The following RFX2 variants were observed in gnomAD, a reference collection of about 807,000 sequenced individuals.
RFX2 encodes the protein DNA-binding protein RFX2.
A neutral mutation model predicts 87.8 loss-of-function variants in RFX2; 20 were observed. The observed-to-expected ratio is 0.23, with a 90% CI of 0.16 to 0.33. The LOEUF is 0.33. Ranked by LOEUF, RFX2 falls within the 10% of genes least tolerant of loss-of-function variation. RFX2 has a pLI of 1.00. For synonymous variants in RFX2, 397 were observed against 431.3 expected, an observed-to-expected ratio of 0.92 and a Z score of 0.98; for missense variants, 767 against 1,012.3, an observed-to-expected ratio of 0.76 and a Z score of 3.29.
intron 1 of RFX2, among the ~76,000 whole-genome samples, chr19:6,106,650 C>G (rs1204521173): frequency 1.3e-5 from 2 of 152,074 alleles, no homozygotes; most frequent in African/African-American, 4.8e-5. Flanking sequence ...ATTCTCCTCC[C>G]CTGCAGTTTA....
intron 1 of RFX2, among the ~76,000 whole-genome samples, chr19:6,099,107 A>G (rs2088074749): frequency 6.6e-6 from 1 of 152,168 alleles, no homozygotes; most frequent in Admixed American, 6.5e-5. Flanking sequence ...AAACAATTCT[A>G]ATAGACATAA....
intron 12 of RFX2, among the ~76,000 whole-genome samples, chr19:6,005,462 G>C (rs1056024828): frequency 1.3e-5 from 2 of 152,190 alleles, no homozygotes; most frequent in East Asian, 3.9e-4. Context: ...CTTCCTTGAC[G>C]ACCCCCAGGG....
At chr19:6,071,683 G>T (rs2087608648) in intron 1 of RFX2, among the ~76,000 whole-genome samples, 1 of 152,146 alleles carries the variant, frequency 6.6e-6, no homozygotes, top group East Asian at 1.9e-4. Context: ...GGGTCTTTTT[G>T]TTAAACTCAT....
chr19:6,097,824 C>T (rs983836624), intron 1 of RFX2, among the ~76,000 whole-genome samples: 2 of 152,158 alleles, frequency 1.3e-5, no homozygotes, highest in African/African-American at 2.4e-5. Flanking sequence ...CTCAAGCTAT[C>T]CTCCTACCTC....
Position 6,013,014 on chromosome 19 carries a change from G to T in RFX2, c.871C>A (p.Arg291=), listed in dbSNP as rs772420460. ...GGCTTCTGGTGCATGGGCTGCTGCC[G>T]CATGGCCATGTACTGCGTGTCCTCC... The part of the protein sequence containing the change: ...LQEDTQYMAM[R]QQPMHQKPRY... The change falls in exon 8 of 18, where the codon CGG becomes AGG. Residue 291 remains arginine, a synonymous_variant. Transcript: ENST00000303657. This position sits in a 1 kb window ranked among gnomAD's most constrained non-coding sequence, Gnocchi z 4.1. The T allele has an allele frequency of 8.9e-6, 14 of 1,581,808 alleles. No homozygotes were observed. Among genetic ancestry groups the T allele is most frequent in the South Asian group, 2.3e-5 (2 of 86,998 alleles).
chr19:6,077,481 T>G (rs1019413328), intron 1 of RFX2, among the ~76,000 whole-genome samples: 4 of 152,168 alleles, frequency 2.6e-5, no homozygotes, highest in Admixed American at 2.6e-4. Flanking sequence ...TCTCAAGACT[T>G]ACGAGATGTT....
At chr19:6,076,099 G>A (rs2087688098) in intron 1 of RFX2, among the ~76,000 whole-genome samples, 1 of 152,144 alleles carries the variant, frequency 6.6e-6, no homozygotes, top group South Asian at 2.1e-4. Context: ...GCACATTTTG[G>A]GAGGCCAAGG....
chr19:6,040,285 A>T lies in RFX2; in HGVS notation c.261-44T>A. 2 of 1,482,006 alleles carry T rather than the reference A, an allele frequency of 1.3e-6. No homozygotes were observed. Among genetic ancestry groups the T allele is most frequent in the Non-Finnish European group, 1.8e-6 (2 of 1,110,136 alleles). The allele number at this position is 1,482,006 out of a possible 1,614,324, so 91.8% of individuals were successfully genotyped here. A position where few individuals can be genotyped will look rare whatever the true frequency, so the allele number is the denominator to read the frequency against. On this transcript the variant is annotated intron_variant, in intron 4 of 17. Transcript: ENST00000303657. This position sits in a 1 kb window ranked among gnomAD's most constrained non-coding sequence, Gnocchi z 6.1. ...TCACGCATGGGACGCTGTCCCATTT[A>T]AATGCCTTGTCTGAGTTCACAGATA...
chr19:6,003,778 C>CAAAAA lies in RFX2; in HGVS notation c.1500+418_1500+422dup, dbSNP rs57470328. Among the ~76,000 whole-genome samples, 255 of 41,942 alleles carry CAAAAA rather than the reference C, an allele frequency of 6.1e-3. 2 individuals are homozygous for CAAAAA. Among genetic ancestry groups the CAAAAA allele is most frequent in the African/African-American group, 6.6e-3 (90 of 13,592 alleles). 27.5% of individuals were successfully genotyped at this position (41,942 alleles called of 152,430 possible). On this transcript the variant is annotated intron_variant, in intron 13 of 17. Transcript: ENST00000303657. ...TGGGCGACAGAGTGAGACTCTGTCT[C>CAAAAA]AAAAAAAAAAAAAAAAAAAAAAAAA...
rs77515817 is a variant in RFX2, at chr19:6,040,005, T to G, written c.497A>C (p.His166Pro). The G allele has an allele frequency of 6.3e-7, 1 of 1,595,408 alleles. No individual in the cohort carries two copies. Among genetic ancestry groups the G allele is most frequent in the African/African-American group, 1.3e-5 (1 of 74,430 alleles). The change falls in exon 5 of 18, where the codon CAC becomes CCC. Residue 166 changes from histidine (H) to proline (P), a missense_variant. Physicochemically the swap from His to Pro is moderately conservative, Grantham distance 77. Around this residue, in one of 2 missense-constraint regions of RFX2, gnomAD observed 621 missense variants for 873.0 expected, o/e 0.71. Transcript: ENST00000303657. The surrounding 1 kb of genome is among the most constrained non-coding windows in gnomAD (Gnocchi z 6.1). ...CGTGGCGGGCGATGAGCGGGAGGTG[T>G]GGGCCAGGGAGTGTCTGGTGCTGTC... ...GMDSTRHSLA[H>P]TSRSSPATLE...
At chr19:6,081,656 T>A in intron 1 of RFX2, among the ~76,000 whole-genome samples, 1 of 152,228 alleles carries the variant, frequency 6.6e-6, no homozygotes, top group East Asian at 1.9e-4. Context: ...CAGGTACATA[T>A]AAAGGTAGAT....
intron 1 of RFX2, among the ~76,000 whole-genome samples, chr19:6,090,850 G>C (rs1599925442): frequency 6.6e-6 from 1 of 152,316 alleles, no homozygotes; most frequent in African/African-American, 2.4e-5. Context: ...ATGAAGCTCT[G>C]ACACAGGCTA....
In RFX2 at chr19:6,083,192, C is replaced by A. The variant is rs115022256; in HGVS notation, c.-9+27201G>T. Among the ~76,000 whole-genome samples, 1,452 of 152,300 alleles carry A rather than the reference C, an allele frequency of 9.5e-3. 32 individuals are homozygous for A. Among genetic ancestry groups the A allele is most frequent in the African/African-American group, 0.033 (1,361 of 41,556 alleles). The stretch of plus-strand genomic sequence containing the variant: ...AGAGTGCTAGAATTACAGGCATGAG[C>A]CACTGTGCCCGGCCTTCATCATGAA... On this transcript the variant is annotated intron_variant, in intron 1 of 17. Transcript: ENST00000303657. This position sits in a 1 kb window ranked among gnomAD's most constrained non-coding sequence, Gnocchi z 4.6.
In RFX2 at chr19:6,022,155, G is replaced by A. The variant is rs2086822222; in HGVS notation, c.597+4008C>T. 1.3e-5 allele frequency among the ~76,000 whole-genome samples: 2 copies of A among 152,126 alleles called. No homozygotes were observed. Among genetic ancestry groups the A allele is most frequent in the African/African-American group, 4.8e-5 (2 of 41,422 alleles). ...GGTTGTGGGAGGCGCAGGGGTTGTT[G>A]AGGGTGGAGGCCACGCACTGAGCTA... is the stretch of plus-strand genomic sequence containing the variant. On this transcript the variant is annotated intron_variant, in intron 6 of 17. Coordinates refer to ENST00000303657, the MANE Select transcript of RFX2 (RefSeq NM_000635.4). The surrounding 1 kb of genome is among the most constrained non-coding windows in gnomAD (Gnocchi z 6.2).
rs1265425212 is a variant in RFX2 at position 6,039,419 on chromosome 19, C to T, written c.522+561G>A. Among the ~76,000 whole-genome samples the T allele has an allele frequency of 1.3e-5, 2 of 152,192 alleles. No homozygotes were observed. The highest frequency in any genetic ancestry group is 2.9e-5 in the Non-Finnish European group (2 of 68,034). On this transcript the variant is annotated intron_variant, in intron 5 of 17. Coordinates refer to ENST00000303657, the MANE Select transcript of RFX2 (RefSeq NM_000635.4). The surrounding 1 kb of genome is among the most constrained non-coding windows in gnomAD (Gnocchi z 5.2). Reference sequence around the variant, plus strand: ...CCATGTCAAAACTCACAAGGCTGTACACCAAAAAGTTGATTTTACTTTGTG... The same window carrying T: ...CCATGTCAAAACTCACAAGGCTGTATACCAAAAAGTTGATTTTACTTTGTG...
intron 1 of RFX2, among the ~76,000 whole-genome samples, chr19:6,066,653 A>G (rs1419730111): frequency 2.0e-5 from 3 of 152,210 alleles, no homozygotes; most frequent in Non-Finnish European, 4.4e-5. Context: ...TGGTTCTTTC[A>G]AGCAGATCCC....
Position 6,013,119 on chromosome 19 carries a change from A to T in RFX2, c.780-14T>A. 6.3e-7 allele frequency: 1 copy of T among 1,581,930 alleles called. No homozygotes were observed. The highest frequency in any genetic ancestry group is 8.6e-7 in the Non-Finnish European group (1 of 1,164,988). On this transcript the variant is annotated splice_polypyrimidine_tract_variant and intron_variant, in intron 7 of 17. Coordinates refer to ENST00000303657, the MANE Select transcript of RFX2 (RefSeq NM_000635.4). This position sits in a 1 kb window ranked among gnomAD's most constrained non-coding sequence, Gnocchi z 4.1. ...TTCGAGTTGCCCCTGGAAACCAAAC[A>T]TCCCAGGGTCAGCTCCCTTTGCAGA...
rs71748502 is a variant in RFX2, at chr19:5,993,769, ATATT to A, written c.*1062_*1065del. The A allele has an allele frequency of 0.045, 6,911 of 152,280 alleles. 220 individuals carry two copies. Among genetic ancestry groups the A allele is most frequent in the Non-Finnish European group, 0.072 (4,882 of 68,020 alleles). 9.4% of individuals were successfully genotyped at this position (152,280 alleles called of 1,614,324 possible). On this transcript the variant is annotated 3_prime_UTR_variant, in exon 18 of 18. Transcript: ENST00000303657. ...AAGTTCAGGGCTTCGAAAGTCCCGA[ATATT>A]TGTTTGTCCCGAGAGAAGAGTTTTG...
Position 6,058,729 on chromosome 19 carries a change from G to C in RFX2, c.-8-11225C>G, listed in dbSNP as rs544331777. ...TCGTAAGAATTGGGCTTCTGTTCCTGTTTTCTTCTCAGGAGCCAAACTTTC... is the reference window on the plus strand; with the variant it reads ...TCGTAAGAATTGGGCTTCTGTTCCTCTTTTCTTCTCAGGAGCCAAACTTTC... On this transcript the variant is annotated intron_variant, in intron 1 of 17. Transcript: ENST00000303657. Among the ~76,000 whole-genome samples the C allele has an allele frequency of 2.6e-5, 4 of 152,018 alleles. No homozygotes were observed. In the South Asian group the frequency reaches 6.2e-4, roughly 24 times the overall value.
Sources: allele counts gnomAD v4.1 joint callset (sites outside exome capture counted in the v4.1 genomes callset), GRCh38; gene constraint gnomAD v4.1.1; regional missense constraint gnomAD v4.1.1; non-coding constraint Gnocchi (gnomAD v3.1); transcripts MANE v1.5; gene names NCBI Gene and HGNC (gene_info 2026-07-23, HGNC 2026-07-21).